Variants in THSD4 observed in about 807,000 individuals in gnomAD.
The protein encoded by THSD4 is thrombospondin type-1 domain-containing protein 4.
In THSD4, 69 loss-of-function variants were observed where a neutral mutation model predicts 119.0. The ratio of observed to expected loss-of-function variants is 0.58; its 90% CI spans 0.48 to 0.71. THSD4 has a LOEUF of 0.71. Among genes scored for constraint, THSD4 ranks in the 30% least tolerant of loss-of-function variants. The pLI, the probability that THSD4 is intolerant of heterozygous loss-of-function variation, is 0.00. For synonymous variants in THSD4, 524 were observed against 540.4 expected, an observed-to-expected ratio of 0.97 and a Z score of 0.42; for missense variants, 1,393 against 1,391.1, an observed-to-expected ratio of 1.00 and a Z score of -0.02.
chr15:71,242,699 C>A lies in THSD4; in HGVS notation c.515C>A (p.Ala172Asp). Residue 172 changes from alanine (A) to aspartate (D), a missense_variant, in exon 5 of 18, where the codon GCC becomes GAC. Coordinates refer to ENST00000261862, the MANE Select transcript of THSD4 (RefSeq NM_024817.3). ...CCTGGCAAGTATGGCTATGGTAAGG[C>A]CCCATATATCTTACCACTGCAGACA... is the stretch of plus-strand genomic sequence containing the variant. ...IGPGKYGYGK[A>D]PYILPLQTDT... is the part of the protein sequence containing the mutation. 1 of 1,614,180 alleles carries A rather than the reference C, an allele frequency of 6.2e-7. No homozygotes were observed. The highest frequency in any genetic ancestry group is 8.5e-7 in the Non-Finnish European group (1 of 1,180,034).
chr15:71,312,363 A>G (rs2045122923), intron 6 of THSD4, among the ~76,000 whole-genome samples: 1 of 151,846 alleles, frequency 6.6e-6, no homozygotes, highest in African/African-American at 2.4e-5. Flanking sequence ...GGGGGAGGGT[A>G]ATTGAGTTAA....
At chr15:71,119,139 A>G (rs2141351499) in intron 1 of THSD4, among the ~76,000 whole-genome samples, 1 of 152,304 alleles carries the variant, frequency 6.6e-6, no homozygotes, top group African/African-American at 2.4e-5. Context: ...GTACAGGAAG[A>G]AAGTTGAGGC....
intron 7 of THSD4, among the ~76,000 whole-genome samples, chr15:71,591,720 C>T (rs187217318): frequency 7.2e-6 from 1 of 138,796 alleles, no homozygotes; most frequent in Non-Finnish European, 1.6e-5. Context: ...GATGTTCAGA[C>T]TGCGGCCAGA....
chr15:71,544,581 A>G (rs564005279), intron 7 of THSD4, among the ~76,000 whole-genome samples: 57 of 152,348 alleles, frequency 3.7e-4, no homozygotes, highest in African/African-American at 1.3e-3. Flanking sequence ...TGTCACCACT[A>G]TGGAGAACAG....
At chr15:71,456,659 C>T (rs1287247163) in intron 7 of THSD4, among the ~76,000 whole-genome samples, 4 of 152,160 alleles carry the variant, frequency 2.6e-5, no homozygotes, top group Non-Finnish European at 5.9e-5. Flanking sequence ...TGAGGCTGCA[C>T]TGCTTCCTTT....
intron 7 of THSD4, among the ~76,000 whole-genome samples, chr15:71,612,285 A>G (rs1304128265): frequency 1.3e-5 from 2 of 152,238 alleles, no homozygotes; most frequent in Non-Finnish European, 2.9e-5. Context: ...CTCTGAGGTC[A>G]GTCGGATGAG....
At chr15:71,351,474 C>G (rs1274890390) in intron 6 of THSD4, among the ~76,000 whole-genome samples, 1 of 152,210 alleles carries the variant, frequency 6.6e-6, no homozygotes, top group African/African-American at 2.4e-5. Flanking sequence ...GGTTTTTCCT[C>G]TCAAATTATG....
chr15:71,411,722 G>A lies in THSD4; in HGVS notation c.1051G>A (p.Ala351Thr). 3 of 1,614,044 alleles carry A rather than the reference G, an allele frequency of 1.9e-6. No individual in the cohort carries two copies. Among genetic ancestry groups the A allele is most frequent in the Non-Finnish European group, 2.5e-6 (3 of 1,179,986 alleles). ...GNRKCELNCQ[A>T]MGYRFYVRQA... ...TCGCAAATGTGAGTTGAACTGCCAG[G>A]CAATGGGCTACCGCTTCTATGTACG... The change falls in exon 7 of 18, where the codon GCA (alanine) becomes ACA (threonine). Residue 351 changes from alanine (A) to threonine (T), a missense_variant. Ala to Thr is a moderately conservative substitution (Grantham distance 58, BLOSUM62 0). Transcript: ENST00000261862.
chr15:71,172,684 T>TAC lies in THSD4; in HGVS notation c.99+17753_99+17754insCA, dbSNP rs2043384534. Reference sequence around the variant, plus strand: ...TACAGCATGAAAATAGACCTATACATATATATATATATATATATATATATA... The same window carrying TAC: ...TACAGCATGAAAATAGACCTATACATACATATATATATATATATATATATATA... On this transcript the variant is annotated intron_variant, in intron 3 of 17. Transcript: ENST00000261862. Among the ~76,000 whole-genome samples, 6 of 4,578 alleles carry TAC rather than the reference T, an allele frequency of 1.3e-3. No homozygotes were observed. The East Asian group carries it at 0.026, about 20-fold the overall frequency. 3.0% of individuals were successfully genotyped at this position (4,578 alleles called of 152,430 possible).
intron 8 of THSD4, among the ~76,000 whole-genome samples, chr15:71,695,295 A>T (rs2052139619): frequency 6.6e-6 from 1 of 152,022 alleles, no homozygotes; most frequent in Admixed American, 6.6e-5. Context: ...AAGCCTCTCT[A>T]ATCTACAGAT....
intron 11 of THSD4, among the ~76,000 whole-genome samples, chr15:71,739,874 G>A (rs1308941969): frequency 6.7e-6 from 1 of 149,704 alleles, no homozygotes; most frequent in African/African-American, 2.5e-5. Flanking sequence ...TTTGATACTG[G>A]TATCTAAGAG....
chr15:71,154,143 C>T (rs926264959), intron 2 of THSD4, among the ~76,000 whole-genome samples: 2 of 152,170 alleles, frequency 1.3e-5, no homozygotes, highest in Non-Finnish European at 2.9e-5. Flanking sequence ...GAAATGCTAA[C>T]GTGGAAATGT....
At chr15:71,767,449 A>G (rs539323590) in intron 16 of THSD4, 1 of 152,284 alleles carries the variant, frequency 6.6e-6, no homozygotes, top group East Asian at 1.9e-4. Context: ...CAATTATCCT[A>G]TTTTTGGTGA....
intron 11 of THSD4, among the ~76,000 whole-genome samples, chr15:71,742,950 G>C (rs139206746): frequency 1.3e-3 from 192 of 152,282 alleles, no homozygotes; most frequent in African/African-American, 4.3e-3. Flanking sequence ...AGCTACTTGA[G>C]AGGCTGAAGC....
At chr15:71,684,800 A>G (rs1420868407) in intron 8 of THSD4, among the ~76,000 whole-genome samples, 1 of 152,110 alleles carries the variant, frequency 6.6e-6, no homozygotes, top group Non-Finnish European at 1.5e-5. Flanking sequence ...TGCTCTGGAA[A>G]AGCTTATATA....
At chr15:71,383,802 A>G (rs574844619) in intron 6 of THSD4, among the ~76,000 whole-genome samples, 3 of 152,352 alleles carry the variant, frequency 2.0e-5, no homozygotes, top group Non-Finnish European at 2.9e-5. Flanking sequence ...AATCATTTAC[A>G]TAACATTCAC....
intron 6 of THSD4, among the ~76,000 whole-genome samples, chr15:71,315,935 A>G (rs888916122): frequency 6.6e-6 from 1 of 152,244 alleles, no homozygotes; most frequent in Admixed American, 6.5e-5. Context: ...GACTATATAT[A>G]TAGCCTCATC....
chr15:71,403,255 G>A (rs1325965881), intron 6 of THSD4, among the ~76,000 whole-genome samples: 2 of 152,114 alleles, frequency 1.3e-5, no homozygotes, highest in African/African-American at 4.8e-5. Context: ...AAGGGTGCAT[G>A]ACAGGTAAAT....
chr15:71,711,304 C>G (rs905077), intron 8 of THSD4, among the ~76,000 whole-genome samples: 145,086 of 151,952 alleles, frequency 0.95, 69,647 homozygotes, highest in East Asian at 1. Flanking sequence ...TTCCTAGCCT[C>G]CACACATGCA....
Sources: allele counts gnomAD v4.1 joint callset (sites outside exome capture counted in the v4.1 genomes callset), GRCh38; gene constraint gnomAD v4.1.1; transcripts MANE v1.5; gene names NCBI Gene and HGNC (gene_info 2026-07-23, HGNC 2026-07-21).